The following NKAIN3 variants were observed in gnomAD, a reference collection of about 807,000 sequenced individuals.
NKAIN3 encodes the protein sodium/potassium transporting ATPase interacting 3.
NKAIN3 carries 25 observed loss-of-function variants against 30.2 expected under a neutral mutation model. The ratio of observed to expected loss-of-function variants is 0.83; its 90% CI spans 0.60 to 1.16. The LOEUF is 1.16. Among genes scored for constraint, NKAIN3 ranks in the 50% most tolerant of loss-of-function variants. The pLI is 0.00. For missense variants in NKAIN3, 225 were observed against 254.1 expected (o/e 0.89, Z 0.78); for synonymous variants, 91 against 89.6 (o/e 1.02, Z -0.09).
At chr8:62,360,529 T>C (rs1228994582) in intron 1 of NKAIN3, among the ~76,000 whole-genome samples, 32 of 152,290 alleles carry the variant, frequency 2.1e-4, no homozygotes, top group African/African-American at 6.5e-4. Flanking sequence ...AATTAATGAA[T>C]TTAAAGTAAA....
intron 3 of NKAIN3, among the ~76,000 whole-genome samples, chr8:62,615,798 A>C (rs926790512): frequency 1.3e-5 from 2 of 152,086 alleles, no homozygotes; most frequent in African/African-American, 4.8e-5. Context: ...TCACTCCCCC[A>C]GTGCCCAGAG....
In NKAIN3 at chr8:62,425,046, A is replaced by T. The variant is rs1448759260; in HGVS notation, c.55-154493A>T. 4.0e-5 allele frequency among the ~76,000 whole-genome samples: 6 copies of T among 151,876 alleles called. No individual in the cohort carries two copies. The East Asian group carries it at 1.2e-3, about 29-fold the overall frequency. On this transcript the variant is annotated intron_variant, in intron 1 of 6. Coordinates refer to ENST00000623646, the MANE Select transcript of NKAIN3 (RefSeq NM_001304533.3). ...GAAATAAGCCAGATACAGAAGGACA[A>T]ATACTCCATGATTCCACTTATATGA...
intron 5 of NKAIN3, among the ~76,000 whole-genome samples, chr8:62,938,505 C>T (rs995087732): frequency 6.6e-6 from 1 of 151,730 alleles, no homozygotes; most frequent in Admixed American, 6.6e-5. Context: ...ACTTCACTCC[C>T]CTGCTACCTT....
chr8:62,603,655 G>T (rs1255150027), intron 3 of NKAIN3, among the ~76,000 whole-genome samples: 1 of 152,066 alleles, frequency 6.6e-6, no homozygotes, highest in Non-Finnish European at 1.5e-5. Flanking sequence ...GCTTCAGATT[G>T]AACTTAATTA....
intron 3 of NKAIN3, among the ~76,000 whole-genome samples, chr8:62,719,509 C>T (rs1815015184): frequency 6.6e-6 from 1 of 152,156 alleles, no homozygotes; most frequent in Admixed American, 6.5e-5. Context: ...CATTTTAACC[C>T]ACCATAAAAA....
chr8:62,346,732 A>G (rs1816018599), intron 1 of NKAIN3, among the ~76,000 whole-genome samples: 2 of 152,102 alleles, frequency 1.3e-5, no homozygotes, highest in Non-Finnish European at 2.9e-5. Flanking sequence ...GTTATTCTAC[A>G]TTAGTAATTC....
chr8:62,888,276 C>A (rs1305889450), intron 4 of NKAIN3, among the ~76,000 whole-genome samples: 2 of 152,142 alleles, frequency 1.3e-5, no homozygotes, highest in Admixed American at 6.5e-5. Context: ...ACAGAATGCT[C>A]TGACATATTT....
chr8:62,804,569 A>G (rs1455873244), intron 4 of NKAIN3, among the ~76,000 whole-genome samples: 1 of 152,330 alleles, frequency 6.6e-6, no homozygotes, highest in African/African-American at 2.4e-5. Context: ...ATCTCAATAG[A>G]TGCAGAAAAG....
At chr8:62,816,448 G>A (rs372543116) in intron 4 of NKAIN3, among the ~76,000 whole-genome samples, 216 of 152,314 alleles carry the variant, frequency 1.4e-3, no homozygotes, top group Middle Eastern at 6.8e-3. Flanking sequence ...TAGGCTCACT[G>A]TGGCAACAGT....
rs77703765 is a variant in NKAIN3 at position 62,719,030 on chromosome 8, A to G, written c.274-27902A>G. Among the ~76,000 whole-genome samples the G allele has an allele frequency of 7.5e-3, 1,139 of 152,338 alleles. 12 individuals are homozygous for G. The highest frequency in any genetic ancestry group is 0.031 in the South Asian group (149 of 4,826). ...AACACAGGCTACGAAAAGATAAATT[A>G]CACTACAGTGTGGAAAGGTCCAAAG... is the stretch of plus-strand genomic sequence containing the variant. On this transcript the variant is annotated intron_variant, in intron 3 of 6. Transcript: ENST00000623646.
chr8:62,427,319 C>T (rs185491590), intron 1 of NKAIN3, among the ~76,000 whole-genome samples: 194 of 152,110 alleles, frequency 1.3e-3, no homozygotes, highest in African/African-American at 4.6e-3. Flanking sequence ...CCTTGCTATT[C>T]ACCAGTGAAA....
chr8:62,629,040 T>C (rs374456081), intron 3 of NKAIN3, among the ~76,000 whole-genome samples: 1 of 152,128 alleles, frequency 6.6e-6, no homozygotes. Flanking sequence ...TTTGTAAACA[T>C]TTTCTCCCTC....
intron 4 of NKAIN3, among the ~76,000 whole-genome samples, chr8:62,841,015 G>A (rs1212848023): frequency 6.6e-6 from 1 of 152,084 alleles, no homozygotes; most frequent in African/African-American, 2.4e-5. Context: ...GGTCTTTGTG[G>A]TAGGTAGCAT....
At chr8:62,533,129 GT>G (rs1293614390) in intron 1 of NKAIN3, among the ~76,000 whole-genome samples, 13 of 152,150 alleles carry the variant, frequency 8.5e-5, no homozygotes, top group Non-Finnish European at 1.9e-4. Context: ...ATATGCTTAT[GT>G]GATAAGGAAA....
chr8:62,421,526 C>T (rs1361903396), intron 1 of NKAIN3, among the ~76,000 whole-genome samples: 1 of 152,112 alleles, frequency 6.6e-6, no homozygotes, highest in African/African-American at 2.4e-5. Context: ...GGAATACATA[C>T]ACCATCTCCC....
At chr8:62,954,597 G>T (rs886548077) in intron 6 of NKAIN3, among the ~76,000 whole-genome samples, 2 of 152,146 alleles carry the variant, frequency 1.3e-5, no homozygotes, top group Admixed American at 6.6e-5. Context: ...GTAAAAGAAA[G>T]AAATCTTAAG....
chr8:62,932,475 T>C (rs2130872999), intron 5 of NKAIN3, among the ~76,000 whole-genome samples: 1 of 152,320 alleles, frequency 6.6e-6, no homozygotes, highest in East Asian at 1.9e-4. Flanking sequence ...TATGGTCTCA[T>C]GTGCAAAATA....
At chr8:62,875,155 A>T (rs1007769479) in intron 4 of NKAIN3, among the ~76,000 whole-genome samples, 13 of 152,166 alleles carry the variant, frequency 8.5e-5, no homozygotes, top group Admixed American at 7.9e-4. Context: ...ATGTGCAAAA[A>T]TCACAACCAT....
At chr8:62,676,197 G>A (rs1197041644) in intron 3 of NKAIN3, among the ~76,000 whole-genome samples, 2 of 152,162 alleles carry the variant, frequency 1.3e-5, no homozygotes, top group Non-Finnish European at 2.9e-5. Flanking sequence ...GTTAGCAAGT[G>A]GAAAGACAGA....
Sources: gnomAD v4.1 joint callset for allele counts (sites outside exome capture counted in the v4.1 genomes callset) on GRCh38, gnomAD v4.1.1 for gene constraint, MANE v1.5 for transcripts, NCBI Gene and HGNC (gene_info 2026-07-23, HGNC 2026-07-21) for gene names.